Variants in CRAMP1 observed in about 807,000 individuals in gnomAD.
CRAMP1 encodes the protein protein cramped-like.
CRAMP1 carries 50 observed loss-of-function variants against 115.4 expected under a neutral mutation model. The observed-to-expected ratio is 0.43, with a 90% CI of 0.35 to 0.55. CRAMP1 has a LOEUF of 0.55. Among genes scored for constraint, CRAMP1 ranks in the 20% least tolerant of loss-of-function variants. The pLI, the probability that CRAMP1 is intolerant of heterozygous loss-of-function variation, is 0.01. For synonymous variants in CRAMP1, 866 were observed against 745.4 expected (o/e 1.16, Z -2.64); for missense variants, 1,679 against 1,721.7 (o/e 0.98, Z 0.44).
intron 7 of CRAMP1, 115 bp from the exon 8 acceptor site, chr16:1,652,918 C>CT: frequency 7.8e-7 from 1 of 1,279,236 alleles, no homozygotes; most frequent in Non-Finnish European, 1.1e-6. Flanking sequence ...CTCCTTGCCT[C>CT]TGTTTGCAAG....
chr16:1,619,026 T>C (rs1438360402), intron 2 of CRAMP1, among the ~76,000 whole-genome samples: 1 of 152,226 alleles, frequency 6.6e-6, no homozygotes, highest in African/African-American at 2.4e-5. Context: ...GACTTTTCGA[T>C]TTTCATTTTT....
In CRAMP1 at chr16:1,667,932, T is replaced by C. The variant is rs772012031; in HGVS notation, c.3103-30T>C. On this transcript the variant is annotated intron_variant, in intron 17 of 20. Coordinates refer to ENST00000397412, the MANE Select transcript of CRAMP1 (RefSeq NM_020825.4). ...TGTCATGGGTTCTGATAGACCTGGT[T>C]GTGTCTGAAAAATACCTGTCTCCCA... 7.0e-6 allele frequency: 10 copies of C among 1,422,028 alleles called. No homozygotes were observed. In the South Asian group the frequency reaches 1.1e-4, roughly 15 times the overall value. 88.1% of individuals were successfully genotyped at this position (1,422,028 alleles called of 1,614,324 possible). A position where few individuals can be genotyped will look rare whatever the true frequency, so the allele number is the denominator to read the frequency against.
chr16:1,659,302 C>T (rs375724775), intron 10 of CRAMP1, among the ~76,000 whole-genome samples: 21 of 152,302 alleles, frequency 1.4e-4, no homozygotes, highest in East Asian at 1.3e-3. Flanking sequence ...CACCTCTGCC[C>T]GTAGCACGTG....
At chr16:1,626,996 G>A (rs2036513447) in intron 3 of CRAMP1, among the ~76,000 whole-genome samples, 1 of 152,202 alleles carries the variant, frequency 6.6e-6, no homozygotes. Context: ...GCTCTGCTTG[G>A]CCATTCCTGT....
chr16:1,634,534 G>C (rs151241265), intron 4 of CRAMP1, among the ~76,000 whole-genome samples: 1 of 152,124 alleles, frequency 6.6e-6, no homozygotes. Context: ...TCCCTTCTCC[G>C]TGTGGGCCCC....
chr16:1,656,825 G>A lies in CRAMP1; in HGVS notation c.2068G>A (p.Glu690Lys). The A allele has an allele frequency of 1.3e-6, 2 of 1,550,112 alleles. No homozygotes were observed. Among genetic ancestry groups the A allele is most frequent in the Non-Finnish European group, 8.7e-7 (1 of 1,146,550 alleles). Residue 690 changes from glutamate to lysine, a missense_variant, in exon 10 of 21, where the codon GAA (glutamate) becomes AAA (lysine). Around this residue, in one of 8 missense-constraint regions of CRAMP1, gnomAD observed 11 missense variants for 29.7 expected, o/e 0.37. Transcript: ENST00000397412. This position sits in a 1 kb window ranked among gnomAD's most constrained non-coding sequence, Gnocchi z 5.6. ...LQTSESLTLA[E>K]VYLMMGKPSK... is the part of the protein sequence containing the mutation. ...GACCTCCGAAAGCCTCACGCTGGCCGAAGTCTACCTCATGATGGGCAAGCC... is the reference window on the plus strand; with the variant it reads ...GACCTCCGAAAGCCTCACGCTGGCCAAAGTCTACCTCATGATGGGCAAGCC...
intron 11 of CRAMP1, among the ~76,000 whole-genome samples, chr16:1,660,961 A>T (rs1334402541): frequency 6.6e-6 from 1 of 152,148 alleles, no homozygotes; most frequent in Non-Finnish European, 1.5e-5. Flanking sequence ...ATAAGCCAAG[A>T]TCGCGCCACT....
chr16:1,620,545 A>G, intron 2 of CRAMP1: 1 of 433,066 alleles, frequency 2.3e-6, no homozygotes, highest in East Asian at 7.3e-5. Flanking sequence ...GAAGTTCACC[A>G]AACCACAGAA....
chr16:1,674,141 G>T lies in CRAMP1; in HGVS notation c.*96G>T. 1.6e-6 allele frequency: 2 copies of T among 1,257,340 alleles called. No homozygotes were observed. Among genetic ancestry groups the T allele is most frequent in the East Asian group, 2.5e-5 (1 of 39,398 alleles). The allele number at this position is 1,257,340 out of a possible 1,614,324, so 77.9% of individuals were successfully genotyped here. A position where few individuals can be genotyped will look rare whatever the true frequency, so the allele number is the denominator to read the frequency against. On this transcript the variant is annotated 3_prime_UTR_variant, in exon 21 of 21. Coordinates refer to ENST00000397412, the MANE Select transcript of CRAMP1 (RefSeq NM_020825.4). ...AGATGGTCTGAACAGAGGCATCTCC[G>T]CACCCAAGACTGTGCAACGGGCAGG...
chr16:1,657,112 T>C, intron 10 of CRAMP1, 120 bp downstream of exon 10: 1 of 956,276 alleles, frequency 1.0e-6, no homozygotes, highest in Non-Finnish European at 1.5e-6. Context: ...AGAGACAGGG[T>C]CCTGTGGCAG....
At chr16:1,618,870 CAA>C (rs1163537462) in intron 2 of CRAMP1, among the ~76,000 whole-genome samples, 1 of 152,076 alleles carries the variant, frequency 6.6e-6, no homozygotes, top group Non-Finnish European at 1.5e-5. Context: ...GTTTCAAAAA[CAA>C]AACAAAACCA....
rs1024445444 is a variant in CRAMP1, at chr16:1,614,846, G to T, written c.207G>T (p.Pro69=). The part of the protein sequence containing the change: ...PPAPPGAPQA[P]SPPQGSPQDQ... Reference sequence around the variant, plus strand: ...CGCCCCCCGGCGCGCCGCAGGCGCCGTCCCCGCCGCAGGGCAGCCCCCAGG... The same window carrying T: ...CGCCCCCCGGCGCGCCGCAGGCGCCTTCCCCGCCGCAGGGCAGCCCCCAGG... Residue 69 remains proline (P), a synonymous_variant, in exon 2 of 21, where the codon CCG becomes CCT. Transcript: ENST00000397412. This position sits in a 1 kb window ranked among gnomAD's most constrained non-coding sequence, Gnocchi z 4.4. The T allele has an allele frequency of 2.3e-6, 3 of 1,284,516 alleles. No individual in the cohort carries two copies. In the African/African-American group the frequency reaches 4.7e-5, roughly 20 times the overall value. The allele number at this position is 1,284,516 out of a possible 1,614,324, so 79.6% of individuals were successfully genotyped here.
In CRAMP1 at chr16:1,676,335, G is replaced by C. The variant is rs1195667959; in HGVS notation, c.*2290G>C. The C allele has an allele frequency of 6.6e-6, 1 of 152,136 alleles. No homozygotes were observed. Among genetic ancestry groups the C allele is most frequent in the African/African-American group, 2.4e-5 (1 of 41,360 alleles). 9.4% of individuals were successfully genotyped at this position (152,136 alleles called of 1,614,324 possible). On this transcript the variant is annotated 3_prime_UTR_variant, in exon 21 of 21. Coordinates refer to ENST00000397412, the MANE Select transcript of CRAMP1 (RefSeq NM_020825.4). The stretch of plus-strand genomic sequence containing the variant: ...TCCTCTCCTGTAATAAAGCTGACAA[G>C]AGTTCTAGAGGATTCTGCTTCTCTA...
intron 3 of CRAMP1, among the ~76,000 whole-genome samples, chr16:1,627,266 C>T (rs2036515535): frequency 6.6e-6 from 1 of 152,116 alleles, no homozygotes; most frequent in Non-Finnish European, 1.5e-5. Context: ...GTGCCTCAGC[C>T]TCCTGAGTAA....
chr16:1,618,956 C>T (rs561732376), intron 2 of CRAMP1, among the ~76,000 whole-genome samples: 1 of 152,268 alleles, frequency 6.6e-6, no homozygotes, highest in South Asian at 2.1e-4. Context: ...TACCTGTATA[C>T]TTTTGGTATT....
At chr16:1,615,217 G>A (rs748349146) in intron 2 of CRAMP1, among the ~76,000 whole-genome samples, 1 of 152,136 alleles carries the variant, frequency 6.6e-6, no homozygotes, top group Non-Finnish European at 1.5e-5. Context: ...CCTTTTTTGG[G>A]GGGGAGTCGA....
rs779703361 is a variant in CRAMP1, at chr16:1,668,193, G to A, written c.3334G>A (p.Gly1112Ser). Residue 1112 changes from glycine (G) to serine (S), a missense_variant and splice_region_variant, in exon 18 of 21, where the codon GGT becomes AGT. By Grantham distance (56) the Gly-to-Ser change is moderately conservative (BLOSUM62 0). Around this residue, in one of 8 missense-constraint regions of CRAMP1, gnomAD observed 709 missense variants for 741.9 expected, o/e 0.96. Transcript: ENST00000397412. ...GATCGCCATCAGCTCCGGTCAGTAC[G>A]GTAAGGGCAGGGCGGCCTCACAGCC... ...IEIAISSGQYGEGVPLSPAKL... is the reference protein window; with the variant it reads ...IEIAISSGQYSEGVPLSPAKL... The A allele has an allele frequency of 2.2e-5, 35 of 1,609,786 alleles. No individual in the cohort carries two copies. The highest frequency in any genetic ancestry group is 6.7e-5 in the African/African-American group (5 of 74,860).
At chr16:1,618,264 A>G (rs1419450228) in intron 2 of CRAMP1, among the ~76,000 whole-genome samples, 1 of 152,196 alleles carries the variant, frequency 6.6e-6, no homozygotes, top group South Asian at 2.1e-4. Flanking sequence ...CCTGGGCAAC[A>G]AGGGTGAGAC....
chr16:1,615,071 C>G, intron 2 of CRAMP1, 86 bp downstream of exon 2: 1 of 820,258 alleles, frequency 1.2e-6, no homozygotes, highest in East Asian at 3.4e-5. Flanking sequence ...CAGCCGGGCT[C>G]CACCCTAGCT....
Sources: allele counts gnomAD v4.1 joint callset (sites outside exome capture counted in the v4.1 genomes callset), GRCh38; gene constraint gnomAD v4.1.1; regional missense constraint gnomAD v4.1.1; non-coding constraint Gnocchi (gnomAD v3.1); transcripts MANE v1.5; gene names NCBI Gene and HGNC (gene_info 2026-07-23, HGNC 2026-07-21).